Variants in SNX29 observed in about 807,000 individuals in gnomAD.
The protein encoded by SNX29 is sorting nexin-29.
In SNX29, 78 loss-of-function variants were observed where a neutral mutation model predicts 102.1. The ratio of observed to expected loss-of-function variants is 0.76; its 90% confidence interval spans 0.64 to 0.92. SNX29 has a LOEUF of 0.92. Among genes scored for constraint, SNX29 ranks in the 40% least tolerant of loss-of-function variants. SNX29 has a pLI of 0.00. For missense variants in SNX29, 1,280 were observed against 1,061.7 expected, an observed-to-expected ratio of 1.21 and a Z score of -2.86; for synonymous variants, 580 against 414.5, an observed-to-expected ratio of 1.40 and a Z score of -4.85.
intron 20 of SNX29, among the ~76,000 whole-genome samples, chr16:12,554,016 C>T (rs2856786): frequency 0.089 from 13,499 of 151,960 alleles, 1,422 homozygotes; most frequent in East Asian, 0.37. Flanking sequence ...GTAGAGACAG[C>T]GTTTTAACCA....
chr16:12,082,168 A>T (rs2051930687), intron 11 of SNX29, among the ~76,000 whole-genome samples: 3 of 151,932 alleles, frequency 2.0e-5, no homozygotes, highest in African/African-American at 7.3e-5. Context: ...TGTGAGGCAC[A>T]GCTACTGTAA....
chr16:12,565,612 C>T (rs1233648803), intron 20 of SNX29, among the ~76,000 whole-genome samples: 2 of 152,184 alleles, frequency 1.3e-5, no homozygotes, highest in Admixed American at 1.3e-4. Flanking sequence ...CTGGGACTTC[C>T]CAGGTGCCAG....
At chr16:12,547,457 C>G (rs923755478) in intron 20 of SNX29, among the ~76,000 whole-genome samples, 30 of 152,174 alleles carry the variant, frequency 2.0e-4, no homozygotes, top group African/African-American at 7.2e-4. Context: ...CCTCAGGCAG[C>G]CTGGGAAGGG....
intron 11 of SNX29, among the ~76,000 whole-genome samples, chr16:12,121,006 C>G (rs1045432873): frequency 1.6e-4 from 25 of 152,242 alleles, no homozygotes; most frequent in Non-Finnish European, 3.2e-4. Context: ...TCATCCCATG[C>G]TCAGTTCCTG....
intron 10 of SNX29, among the ~76,000 whole-genome samples, chr16:12,071,626 T>C (rs889011414): frequency 6.6e-6 from 1 of 152,258 alleles, no homozygotes; most frequent in Non-Finnish European, 1.5e-5. Flanking sequence ...TTTGTTCTTT[T>C]TGGCTTAGGA....
chr16:12,091,035 AAAAG>A (rs1185468245), intron 11 of SNX29, among the ~76,000 whole-genome samples: 2,803 of 98,698 alleles, frequency 0.028, 51 homozygotes, highest in East Asian at 0.043. Context: ...AAAAAAAAAA[AAAAG>A]AAAGAAAAAG....
rs116912570 is a variant in SNX29, at chr16:12,202,079, G to A, written c.1678+2396G>A. On this transcript the variant is annotated intron_variant, in intron 14 of 20. Coordinates refer to ENST00000566228, the MANE Select transcript of SNX29 (RefSeq NM_032167.5). ...CGGCAGCTCTTACATGAATTAGAGC[G>A]GTTACGTACGTACGGCGACTCCACC... is the stretch of plus-strand genomic sequence containing the variant. Among the ~76,000 whole-genome samples the A allele has an allele frequency of 9.2e-3, 1,404 of 152,216 alleles. 22 individuals carry two copies. Among genetic ancestry groups the A allele is most frequent in the Non-Finnish European group, 9.9e-3 (673 of 68,010 alleles).
At chr16:12,559,202 C>T (rs776529610) in intron 20 of SNX29, among the ~76,000 whole-genome samples, 6 of 152,074 alleles carry the variant, frequency 3.9e-5, no homozygotes, top group Admixed American at 6.6e-5. Context: ...AGTGGGTGAG[C>T]AGCGCTTCGT....
intron 20 of SNX29, among the ~76,000 whole-genome samples, chr16:12,539,315 T>C (rs781320066): frequency 2.5e-4 from 38 of 151,082 alleles, no homozygotes; most frequent in Admixed American, 2.0e-3. Context: ...CCTCCCCCTC[T>C]AGTTTTGTCT....
intron 16 of SNX29, among the ~76,000 whole-genome samples, chr16:12,383,754 A>G (rs2083255339): frequency 6.6e-6 from 1 of 151,428 alleles, no homozygotes; most frequent in Non-Finnish European, 1.5e-5. Flanking sequence ...CATTAAAAAA[A>G]AAAGATACGT....
chr16:12,361,580 C>T (rs2082300306), intron 16 of SNX29, among the ~76,000 whole-genome samples: 1 of 152,134 alleles, frequency 6.6e-6, no homozygotes, highest in Non-Finnish European at 1.5e-5. Flanking sequence ...TTGCAGAAGA[C>T]AAAGCTGAGA....
chr16:12,489,361 A>G (rs750278857), intron 19 of SNX29, among the ~76,000 whole-genome samples: 2 of 151,616 alleles, frequency 1.3e-5, no homozygotes, highest in East Asian at 1.9e-4. Flanking sequence ...GGAGTTCACA[A>G]CCCCAGGCTG....
At chr16:12,034,398 T>G (rs531032347) in intron 4 of SNX29, among the ~76,000 whole-genome samples, 2 of 152,288 alleles carry the variant, frequency 1.3e-5, no homozygotes, top group African/African-American at 4.8e-5. Flanking sequence ...GAAGGATGTC[T>G]GCTAAAGGTG....
At chr16:12,431,436 T>TC (rs1225796440) in intron 18 of SNX29, among the ~76,000 whole-genome samples, 6 of 146,104 alleles carry the variant, frequency 4.1e-5, no homozygotes, top group East Asian at 2.0e-4. Flanking sequence ...TTCTTCTTCT[T>TC]TTTTTTTTTT....
intron 14 of SNX29, among the ~76,000 whole-genome samples, chr16:12,256,494 G>C (rs375473414): frequency 2.0e-4 from 31 of 152,170 alleles, no homozygotes; most frequent in African/African-American, 7.5e-4. Context: ...TGCCCGGCTA[G>C]TTTTTGTATT....
rs2052880619 is a variant in SNX29 at position 12,098,789 on chromosome 16, C to T, written c.1402+19874C>T. On this transcript the variant is annotated intron_variant, in intron 11 of 20. Coordinates refer to ENST00000566228, the MANE Select transcript of SNX29 (RefSeq NM_032167.5). This position sits in a 1 kb window ranked among gnomAD's most constrained non-coding sequence, Gnocchi z 6.0. ...CCTGTGGGAAGGTGGGCTTACAAAA[C>T]CTCGTCCCTGAGTCTAACAGTCAGA... 1.3e-5 allele frequency among the ~76,000 whole-genome samples: 2 copies of T among 152,198 alleles called. No homozygotes were observed. The highest frequency in any genetic ancestry group is 1.3e-4 in the Admixed American group (2 of 15,276).
intron 19 of SNX29, among the ~76,000 whole-genome samples, chr16:12,496,000 A>G (rs1198077766): frequency 6.6e-6 from 1 of 152,168 alleles, no homozygotes; most frequent in Non-Finnish European, 1.5e-5. Flanking sequence ...GTGAGCCGAG[A>G]TCATGCCACT....
At chr16:12,409,045 A>T (rs1253096047) in intron 18 of SNX29, among the ~76,000 whole-genome samples, 1 of 152,216 alleles carries the variant, frequency 6.6e-6, no homozygotes, top group Non-Finnish European at 1.5e-5. Flanking sequence ...TGCCACTGAA[A>T]ATAAGAAATG....
At chr16:12,061,851 G>A (rs1377884531) in intron 9 of SNX29, among the ~76,000 whole-genome samples, 2 of 152,154 alleles carry the variant, frequency 1.3e-5, no homozygotes, top group Admixed American at 1.3e-4. Flanking sequence ...ATCCTGAGGT[G>A]CTCTCCGTGG....
Sources: gnomAD v4.1 joint callset for allele counts (sites outside exome capture counted in the v4.1 genomes callset) on GRCh38, gnomAD v4.1.1 for gene constraint, Gnocchi (gnomAD v3.1) non-coding constraint, MANE v1.5 for transcripts, NCBI Gene and HGNC (gene_info 2026-07-23, HGNC 2026-07-21) for gene names.